NIBAN2: variants seen among roughly 807,000 people sequenced by gnomAD.
The protein encoded by NIBAN2 is protein Niban 2.
Under a neutral mutation model 81.8 loss-of-function variants are expected in NIBAN2, and 36 were observed. The observed-to-expected ratio is 0.44, with a 90% CI of 0.34 to 0.58. The LOEUF is 0.58. Ranked by LOEUF, NIBAN2 falls within the 20% of genes least tolerant of loss-of-function variation. The pLI is 0.02. For missense variants in NIBAN2, 897 were observed against 1,014.1 expected (o/e 0.88, Z 1.57); for synonymous variants, 445 against 441.6 (o/e 1.01, Z -0.10).
chr9:127,508,741 T>TGGGG lies in NIBAN2; in HGVS notation c.1318-207_1318-204dup, dbSNP rs1242274869. Among the ~76,000 whole-genome samples, 1 of 151,920 alleles carries TGGGG rather than the reference T, an allele frequency of 6.6e-6. No homozygotes were observed. Among genetic ancestry groups the TGGGG allele is most frequent in the African/African-American group, 2.4e-5 (1 of 41,336 alleles). ...GCAACAGGAAATATGGGAAGGGGCC[T>TGGGG]GGGGGCGCAAGGAGAGCTTCCTGGA... On this transcript the variant is annotated intron_variant, in intron 10 of 13. Coordinates refer to ENST00000373312, the MANE Select transcript of NIBAN2 (RefSeq NM_022833.4). The surrounding 1 kb of genome is among the most constrained non-coding windows in gnomAD (Gnocchi z 6.4).
chr9:127,575,809 G>C (rs998162558), intron 1 of NIBAN2, among the ~76,000 whole-genome samples: 1 of 152,070 alleles, frequency 6.6e-6, no homozygotes, highest in Non-Finnish European at 1.5e-5. Context: ...GATTACAGGC[G>C]TGAGCCACCG....
Position 127,508,193 on chromosome 9 carries a change from T to A in NIBAN2, c.1442A>T (p.Asp481Val). 6.2e-7 allele frequency: 1 copy of A among 1,612,952 alleles called. No individual in the cohort carries two copies. Among genetic ancestry groups the A allele is most frequent in the Non-Finnish European group, 8.5e-7 (1 of 1,179,490 alleles). The change falls in exon 12 of 14, where the codon GAC (aspartate) becomes GTC (valine). Residue 481 changes from aspartate to valine, a missense_variant. Asp to Val is a radical substitution (Grantham distance 152). Coordinates refer to ENST00000373312, the MANE Select transcript of NIBAN2 (RefSeq NM_022833.4). The surrounding 1 kb of genome is among the most constrained non-coding windows in gnomAD (Gnocchi z 6.4). ...CTTCCGCACAGAGCTGCTGTCGTAGTCGTATTTCTGCAGGGAACAAGGGGG... is the reference window on the plus strand; with the variant it reads ...CTTCCGCACAGAGCTGCTGTCGTAGACGTATTTCTGCAGGGAACAAGGGGG... ...RVLERVLKKY[D>V]YDSSSVRKRF...
In NIBAN2 at chr9:127,507,098, G is replaced by A. The variant is rs770136344; in HGVS notation, c.1988C>T (p.Pro663Leu). 9 of 1,580,104 alleles carry A rather than the reference G, an allele frequency of 5.7e-6. No individual in the cohort carries two copies. The highest frequency in any genetic ancestry group is 7.7e-6 in the Non-Finnish European group (9 of 1,163,362). The change falls in exon 14 of 14, where the codon CCT (proline) becomes CTT (leucine). Residue 663 changes from proline (P) to leucine (L), a missense_variant. Transcript: ENST00000373312. This position sits in a 1 kb window ranked among gnomAD's most constrained non-coding sequence, Gnocchi z 6.8. Reference sequence around the variant, plus strand: ...GGGGCCGGCTGGTGGGGGGCTCTCAGGCCGCAGACCTTGGGCCAGCAGGCC... The same window carrying A: ...GGGGCCGGCTGGTGGGGGGCTCTCAAGCCGCAGACCTTGGGCCAGCAGGCC... ...IRGLLAQGLR[P>L]ESPPPAGPLL...
rs114988819 is a variant in NIBAN2 at position 127,559,400 on chromosome 9, G to A, written c.55+9420C>T. Among the ~76,000 whole-genome samples, 324 of 152,354 alleles carry A rather than the reference G, an allele frequency of 2.1e-3. 1 individual carries two copies. Among genetic ancestry groups the A allele is most frequent in the Admixed American group, 3.9e-3 (60 of 15,298 alleles). On this transcript the variant is annotated intron_variant, in intron 1 of 13. Transcript: ENST00000373312. This position sits in a 1 kb window ranked among gnomAD's most constrained non-coding sequence, Gnocchi z 4.0. ...GTTGCACAGATAGGCAAAGTGAGGA[G>A]GAGGCACAGAGAAAAGGAAGGGCTT... is the stretch of plus-strand genomic sequence containing the variant.
At position 127,559,047 on chromosome 9, in the gene NIBAN2, C is replaced by T. The variant is rs1225122840; in HGVS notation, c.55+9773G>A. 4.6e-5 allele frequency among the ~76,000 whole-genome samples: 7 copies of T among 152,356 alleles called. No homozygotes were observed. Among genetic ancestry groups the T allele is most frequent in the South Asian group, 2.1e-4 (1 of 4,832 alleles). ...ACTGCCACCAGGTCAAAGCCAGACA[C>T]GCTGCCTCTTGAGATGGGCCGACTG... On this transcript the variant is annotated intron_variant, in intron 1 of 13. Coordinates refer to ENST00000373312, the MANE Select transcript of NIBAN2 (RefSeq NM_022833.4). This position sits in a 1 kb window ranked among gnomAD's most constrained non-coding sequence, Gnocchi z 4.0.
intron 3 of NIBAN2, among the ~76,000 whole-genome samples, chr9:127,526,156 C>T (rs560653972): frequency 1.3e-5 from 2 of 152,128 alleles, no homozygotes; most frequent in Admixed American, 6.5e-5. Flanking sequence ...AATCGCAGCA[C>T]TTTGGGAGGC....
chr9:127,540,778 C>T (rs1432746366), intron 1 of NIBAN2, among the ~76,000 whole-genome samples: 5 of 152,380 alleles, frequency 3.3e-5, no homozygotes, highest in African/African-American at 9.6e-5. Context: ...TGCACGCCGG[C>T]GCCAGCCCTG....
chr9:127,570,230 G>A (rs191418905), upstream of NIBAN2, among the ~76,000 whole-genome samples: 21 of 152,360 alleles, frequency 1.4e-4, no homozygotes, highest in African/African-American at 4.6e-4. Context: ...AATTTGCTGA[G>A]CACCTGTACT....
chr9:127,563,294 C>A lies in NIBAN2; in HGVS notation c.55+5526G>T, dbSNP rs1285805516. Among the ~76,000 whole-genome samples, 1 of 152,204 alleles carries A rather than the reference C, an allele frequency of 6.6e-6. No homozygotes were observed. The highest frequency in any genetic ancestry group is 1.5e-5 in the Non-Finnish European group (1 of 68,036). The stretch of plus-strand genomic sequence containing the variant: ...CAACAAAAGCATGTTATATAAGACC[C>A]AACAGAGAGACAGCATCATCCCCAG... On this transcript the variant is annotated intron_variant, in intron 1 of 13. Transcript: ENST00000373312. The surrounding 1 kb of genome is among the most constrained non-coding windows in gnomAD (Gnocchi z 4.1).
chr9:127,578,982 A>T (rs73668527), exon 1 of NIBAN2: 1 of 1,566,474 alleles, frequency 6.4e-7, no homozygotes, highest in South Asian at 1.1e-5. Context: ...GAACTGGCCC[A>T]GTTCCTGACT....
At chr9:127,525,979 C>T (rs543864210) in intron 3 of NIBAN2, among the ~76,000 whole-genome samples, 3 of 152,300 alleles carry the variant, frequency 2.0e-5, no homozygotes, top group African/African-American at 4.8e-5. Flanking sequence ...GCAGGGCTAC[C>T]ATGCTACTCC....
In NIBAN2 at chr9:127,547,791, C is replaced by T. The variant is rs566237341; in HGVS notation, c.56-16013G>A. The stretch of plus-strand genomic sequence containing the variant: ...GGTGGAGGTTGCAGTGAGCAGAGAT[C>T]GCACCATTGCACTCCAGCCTGGGCA... On this transcript the variant is annotated intron_variant, in intron 1 of 13. Coordinates refer to ENST00000373312, the MANE Select transcript of NIBAN2 (RefSeq NM_022833.4). Among the ~76,000 whole-genome samples, 14 of 152,184 alleles carry T rather than the reference C, an allele frequency of 9.2e-5. No individual in the cohort carries two copies. In the East Asian group the frequency reaches 2.5e-3, roughly 27 times the overall value.
At chr9:127,548,800 G>A (rs552489973) in intron 1 of NIBAN2, among the ~76,000 whole-genome samples, 3 of 152,152 alleles carry the variant, frequency 2.0e-5, no homozygotes, top group Non-Finnish European at 4.4e-5. Flanking sequence ...AAACCTTAGA[G>A]TTGGACAGTT....
At chr9:127,541,486 G>C (rs1279541937) in intron 1 of NIBAN2, among the ~76,000 whole-genome samples, 1 of 152,198 alleles carries the variant, frequency 6.6e-6, no homozygotes, top group Non-Finnish European at 1.5e-5. Context: ...GGGAACCAAC[G>C]TTTGGGCAAA....
intron 1 of NIBAN2, among the ~76,000 whole-genome samples, chr9:127,540,354 C>T (rs1162390109): frequency 1.3e-5 from 2 of 152,096 alleles, no homozygotes; most frequent in Admixed American, 6.5e-5. Flanking sequence ...GCTTGCTGAG[C>T]TGAGAATGGA....
chr9:127,560,143 G>A (rs1379324372), intron 1 of NIBAN2, among the ~76,000 whole-genome samples: 1 of 152,218 alleles, frequency 6.6e-6, no homozygotes, highest in Non-Finnish European at 1.5e-5. Flanking sequence ...AAAGGACTGA[G>A]TTTCCTGTCA....
intron 1 of NIBAN2, among the ~76,000 whole-genome samples, chr9:127,535,012 T>C (rs1171980138): frequency 6.6e-6 from 1 of 151,300 alleles, no homozygotes; most frequent in Non-Finnish European, 1.5e-5. Context: ...AGGAAGCCAG[T>C]GCTGTTGTTT....
At chr9:127,558,854 T>A (rs949707541) in intron 1 of NIBAN2, among the ~76,000 whole-genome samples, 2 of 152,092 alleles carry the variant, frequency 1.3e-5, no homozygotes, top group Non-Finnish European at 2.9e-5. Flanking sequence ...TAAAACGCAA[T>A]TGCCATTTAC....
chr9:127,538,571 G>A (rs1247544631), intron 1 of NIBAN2, among the ~76,000 whole-genome samples: 1 of 150,710 alleles, frequency 6.6e-6, no homozygotes, highest in Non-Finnish European at 1.5e-5. Flanking sequence ...AGGTTGCTGT[G>A]AGCCAAGATC....
Sources: allele counts gnomAD v4.1 joint callset (sites outside exome capture counted in the v4.1 genomes callset), GRCh38; gene constraint gnomAD v4.1.1; non-coding constraint Gnocchi (gnomAD v3.1); transcripts MANE v1.5; gene names NCBI Gene and HGNC (gene_info 2026-07-23, HGNC 2026-07-21).